The following CRYBG1 variants were observed in gnomAD, a reference collection of about 807,000 sequenced individuals.
CRYBG1 encodes the protein beta/gamma crystallin domain-containing protein 1.
A neutral mutation model predicts 189.2 loss-of-function variants in CRYBG1; 139 were observed. That is an observed-to-expected ratio of 0.73 (90% CI 0.64 to 0.85). The LOEUF (loss-of-function observed/expected upper bound fraction) is 0.85, where lower values mean the gene tolerates loss of function less well. Among genes scored for constraint, CRYBG1 ranks in the 40% least tolerant of loss-of-function variants. The pLI, the probability that CRYBG1 is intolerant of heterozygous loss-of-function variation, is 0.00. For synonymous variants in CRYBG1, 1,023 were observed against 1,017.1 expected (o/e 1.01, Z -0.11); for missense variants, 2,611 against 2,675.8 (o/e 0.98, Z 0.53).
At chr6:106,486,861 A>T (rs1239929135) in intron 2 of CRYBG1, among the ~76,000 whole-genome samples, 2 of 152,066 alleles carry the variant, frequency 1.3e-5, no homozygotes, top group African/African-American at 2.4e-5. Flanking sequence ...TTATCCATTC[A>T]GTCACTCTAT....
chr6:106,568,663 A>C lies in CRYBG1; in HGVS notation c.*97A>C. 1.2e-6 allele frequency: 1 copy of C among 805,274 alleles called. No individual in the cohort carries two copies. Among genetic ancestry groups the C allele is most frequent in the Non-Finnish European group, 2.0e-6 (1 of 489,306 alleles). The allele number at this position is 805,274 out of a possible 1,614,324, so 49.9% of individuals were successfully genotyped here. ...GAAGACCAGACTGGAAAGTGGATCG[A>C]CTCCTCCTTCATTGATTCTAAATTC... On this transcript the variant is annotated 3_prime_UTR_variant, in exon 22 of 22. Transcript: ENST00000633556.
chr6:106,490,803 T>C (rs539904991), intron 2 of CRYBG1, among the ~76,000 whole-genome samples: 1 of 152,314 alleles, frequency 6.6e-6, no homozygotes, highest in Admixed American at 6.5e-5. Flanking sequence ...GAGCAGAAAG[T>C]AGAAGGTGTG....
At chr6:106,530,056 G>C (rs774513551) in intron 7 of CRYBG1, 120 bp from the exon 8 acceptor site, 5 of 940,614 alleles carry the variant, frequency 5.3e-6, no homozygotes, top group Non-Finnish European at 7.5e-6. Context: ...GGTGCTCTGT[G>C]AAATGTGTTT....
chr6:106,441,269 AGG>A (rs1481147253), intron 1 of CRYBG1, among the ~76,000 whole-genome samples: 1 of 152,196 alleles, frequency 6.6e-6, no homozygotes, highest in African/African-American at 2.4e-5. Context: ...GAACACCCTT[AGG>A]GTGGGAATTT....
chr6:106,374,923 C>A (rs533418986), intron 1 of CRYBG1, among the ~76,000 whole-genome samples: 18 of 152,002 alleles, frequency 1.2e-4, no homozygotes, highest in Non-Finnish European at 2.6e-4. Flanking sequence ...GAGAGAAAAG[C>A]CAAAATACGC....
intron 1 of CRYBG1, among the ~76,000 whole-genome samples, chr6:106,404,865 T>G (rs892537572): frequency 6.6e-6 from 1 of 152,124 alleles, no homozygotes; most frequent in African/African-American, 2.4e-5. Flanking sequence ...TACTACACTT[T>G]TTCCACAGTC....
chr6:106,376,730 A>T (rs1770170552), intron 1 of CRYBG1, among the ~76,000 whole-genome samples: 1 of 152,172 alleles, frequency 6.6e-6, no homozygotes, highest in Non-Finnish European at 1.5e-5. Flanking sequence ...TCTTGTAACT[A>T]GTCAGTTATT....
chr6:106,478,904 C>T (rs371235896), intron 2 of CRYBG1, among the ~76,000 whole-genome samples: 11 of 152,222 alleles, frequency 7.2e-5, no homozygotes, highest in Non-Finnish European at 1.5e-4. Context: ...TGATCTGCCA[C>T]TGTCCATCAC....
chr6:106,361,957 ATTTC>A (rs1554229458), intron 1 of CRYBG1, among the ~76,000 whole-genome samples: 3 of 126,704 alleles, frequency 2.4e-5, no homozygotes, highest in Admixed American at 8.7e-5. Flanking sequence ...TTTTCCTTTT[ATTTC>A]TTTCTTTCTT....
chr6:106,504,244 G>A (rs1406467704), intron 2 of CRYBG1, among the ~76,000 whole-genome samples: 3 of 152,264 alleles, frequency 2.0e-5, no homozygotes, highest in Admixed American at 6.5e-5. Flanking sequence ...CGGAGAAGAA[G>A]GTTCTGAAGC....
At chr6:106,527,543 A>G in intron 7 of CRYBG1, 73 bp downstream of exon 7, 2 of 1,454,228 alleles carry the variant, frequency 1.4e-6, no homozygotes, top group South Asian at 2.7e-5. Flanking sequence ...GGAAATGATC[A>G]TTTTACGAAA....
chr6:106,474,226 G>T (rs1048463558), intron 2 of CRYBG1, among the ~76,000 whole-genome samples: 2 of 152,216 alleles, frequency 1.3e-5, no homozygotes, highest in African/African-American at 4.8e-5. Flanking sequence ...GCATGGTGGT[G>T]TGTGCTATTC....
At position 106,534,342 on chromosome 6, in the gene CRYBG1, A is replaced by G. The variant is rs1773942029; in HGVS notation, c.4718+4027A>G. On this transcript the variant is annotated intron_variant, in intron 8 of 21. Transcript: ENST00000633556. ...TGAGCATCTTCTTTTCTGGCTGTTC[A>G]TTTCTGTTGAACACTGCCTCAGATG... Among the ~76,000 whole-genome samples the G allele has an allele frequency of 6.7e-5, 9 of 133,876 alleles. No homozygotes were observed. The South Asian group carries it at 2.1e-3, about 31-fold the overall frequency. The allele number at this position is 133,876 out of a possible 152,430, so 87.8% of individuals were successfully genotyped here.
intron 2 of CRYBG1, among the ~76,000 whole-genome samples, chr6:106,480,657 A>G (rs1477734857): frequency 1.4e-5 from 2 of 143,200 alleles, no homozygotes; most frequent in African/African-American, 5.4e-5. Flanking sequence ...ACAGAGCAAG[A>G]CTCCATCTCA....
rs9486410 is a variant in CRYBG1 at position 106,572,005 on chromosome 6, A to G, written c.*3439A>G. 0.12 allele frequency: 194,478 copies of G among 1,609,902 alleles called. 13,112 individuals carry two copies. The highest frequency in any genetic ancestry group is 0.28 in the African/African-American group (21,168 of 74,786). On this transcript the variant is annotated 3_prime_UTR_variant, in exon 22 of 22. Coordinates refer to ENST00000633556, the MANE Select transcript of CRYBG1 (RefSeq NM_001371242.2). ...TAAACTGCATTTTTATTTAAACAAC[A>G]TTAATTACAGTCTTTCCTCGTGCGT...
chr6:106,396,676 C>A (rs970874641), intron 1 of CRYBG1, among the ~76,000 whole-genome samples: 4 of 152,286 alleles, frequency 2.6e-5, no homozygotes, highest in Admixed American at 6.5e-5. Flanking sequence ...GACCTCAGGG[C>A]AACACCTGCT....
intron 2 of CRYBG1, among the ~76,000 whole-genome samples, chr6:106,475,323 G>A (rs1335442424): frequency 6.6e-6 from 1 of 152,180 alleles, no homozygotes; most frequent in East Asian, 1.9e-4. Context: ...CCGAATGGGA[G>A]GGTAAGACAA....
At chr6:106,539,886 G>A (rs1365121502) in intron 9 of CRYBG1, among the ~76,000 whole-genome samples, 1 of 152,168 alleles carries the variant, frequency 6.6e-6, no homozygotes, top group Non-Finnish European at 1.5e-5. Flanking sequence ...CAAGTTGTGG[G>A]TGATGTGACA....
chr6:106,439,257 A>AAAT (rs1771525726), intron 1 of CRYBG1, among the ~76,000 whole-genome samples: 1 of 152,170 alleles, frequency 6.6e-6, no homozygotes, highest in Non-Finnish European at 1.5e-5. Context: ...ACAATGTGTG[A>AAAT]AATAGAAAAT....
Sources: gnomAD v4.1 joint callset for allele counts (sites outside exome capture counted in the v4.1 genomes callset) on GRCh38, gnomAD v4.1.1 for gene constraint, MANE v1.5 for transcripts, NCBI Gene and HGNC (gene_info 2026-07-23, HGNC 2026-07-21) for gene names.